Variants in SMYD3 observed in about 807,000 individuals in gnomAD.
SMYD3 encodes histone-lysine N-methyltransferase SMYD3.
Under a neutral mutation model 57.7 loss-of-function variants are expected in SMYD3, and 36 were observed. The observed-to-expected ratio is 0.62, with a 90% CI of 0.48 to 0.82. The LOEUF (loss-of-function observed/expected upper bound fraction) is 0.82, where lower values mean the gene tolerates loss of function less well. SMYD3 is among the 40% of genes least tolerant of loss of function. The pLI, the probability that SMYD3 is intolerant of heterozygous loss-of-function variation, is 0.00. For synonymous variants in SMYD3, 211 were observed against 195.0 expected (o/e 1.08, Z -0.68); for missense variants, 515 against 538.8 (o/e 0.96, Z 0.44).
chr1:246,360,481 A>G (rs1247473042), intron 1 of SMYD3, among the ~76,000 whole-genome samples: 1 of 152,210 alleles, frequency 6.6e-6, no homozygotes, highest in Non-Finnish European at 1.5e-5. Context: ...GAACCAAAAA[A>G]GAGACCACAT....
intron 10 of SMYD3, among the ~76,000 whole-genome samples, chr1:245,783,311 C>T (rs547008264): frequency 6.6e-6 from 1 of 152,206 alleles, no homozygotes; most frequent in Non-Finnish European, 1.5e-5. Flanking sequence ...CAACCAGTTC[C>T]CAATAGATAA....
At chr1:246,000,799 C>T (rs1020392751) in intron 5 of SMYD3, among the ~76,000 whole-genome samples, 10 of 152,214 alleles carry the variant, frequency 6.6e-5, no homozygotes, top group Non-Finnish European at 1.0e-4. Flanking sequence ...CTGTAAGATG[C>T]TGGAAGACAG....
chr1:245,869,315 G>A (rs564490567), intron 8 of SMYD3, among the ~76,000 whole-genome samples: 3 of 152,330 alleles, frequency 2.0e-5, no homozygotes, highest in African/African-American at 7.2e-5. Flanking sequence ...TCGAGAGAAT[G>A]AAGAACCTGC....
At chr1:245,832,980 C>T (rs930314639) in intron 10 of SMYD3, among the ~76,000 whole-genome samples, 1 of 150,914 alleles carries the variant, frequency 6.6e-6, no homozygotes, top group East Asian at 1.9e-4. Flanking sequence ...CCACCTTCTC[C>T]GCACAGTGAA....
intron 5 of SMYD3, among the ~76,000 whole-genome samples, chr1:246,295,315 G>A (rs2064772135): frequency 6.6e-6 from 1 of 152,066 alleles, no homozygotes; most frequent in African/African-American, 2.4e-5. Flanking sequence ...CCCAGAAAAG[G>A]GTCTACAGTT....
At chr1:246,232,811 CT>C (rs372853033) in intron 5 of SMYD3, among the ~76,000 whole-genome samples, 3 of 136,350 alleles carry the variant, frequency 2.2e-5, no homozygotes, top group South Asian at 3.0e-4. Flanking sequence ...AGAAGCGCTC[CT>C]TCAATTCACA....
At chr1:245,823,250 A>G (rs943745658) in intron 10 of SMYD3, among the ~76,000 whole-genome samples, 5 of 152,122 alleles carry the variant, frequency 3.3e-5, no homozygotes, top group East Asian at 3.9e-4. Flanking sequence ...TGCAAAATCC[A>G]TTTCTCCTTC....
chr1:245,818,345 G>A (rs1488461954), intron 10 of SMYD3, among the ~76,000 whole-genome samples: 1 of 151,920 alleles, frequency 6.6e-6, no homozygotes, highest in Non-Finnish European at 1.5e-5. Context: ...AGCAAATGCT[G>A]AGAGATTTTG....
intron 1 of SMYD3, among the ~76,000 whole-genome samples, chr1:246,425,237 A>G (rs2103002060): frequency 6.6e-6 from 1 of 152,198 alleles, no homozygotes; most frequent in Non-Finnish European, 1.5e-5. Flanking sequence ...CTTTTTCAAC[A>G]CACACCAGAA....
intron 5 of SMYD3, among the ~76,000 whole-genome samples, chr1:246,077,506 G>A (rs530681468): frequency 9.3e-5 from 14 of 150,212 alleles, no homozygotes; most frequent in African/African-American, 3.0e-4. Flanking sequence ...GACTACATAT[G>A]ACACATACAT....
chr1:246,054,873 T>TA (rs749022916), intron 5 of SMYD3, among the ~76,000 whole-genome samples: 3,028 of 79,052 alleles, frequency 0.038, 111 homozygotes, highest in African/African-American at 0.085. Context: ...AGGATGACTA[T>TA]AAAAAAAAAA....
At chr1:246,067,101 A>G (rs1178456214) in intron 5 of SMYD3, among the ~76,000 whole-genome samples, 1 of 152,240 alleles carries the variant, frequency 6.6e-6, no homozygotes, top group East Asian at 1.9e-4. Context: ...ATTTGATGAC[A>G]ATCTAGTTTA....
At chr1:245,930,118 T>A in intron 5 of SMYD3, 181 bp from the exon 6 acceptor site, 1 of 617,864 alleles carries the variant, frequency 1.6e-6, no homozygotes, top group Non-Finnish European at 3.0e-6. Context: ...ATACTCCCCC[T>A]AAAAACATCA....
At chr1:245,751,116 G>A (rs2045329117) in intron 11 of SMYD3, among the ~76,000 whole-genome samples, 1 of 152,188 alleles carries the variant, frequency 6.6e-6, no homozygotes, top group Non-Finnish European at 1.5e-5. Context: ...TATAATGAAT[G>A]CCATCATGCT....
At chr1:246,277,376 C>A (rs890113321) in intron 5 of SMYD3, among the ~76,000 whole-genome samples, 1 of 152,092 alleles carries the variant, frequency 6.6e-6, no homozygotes, top group Non-Finnish European at 1.5e-5. Context: ...GGTGAAGGTG[C>A]GGAGCAACTG....
At chr1:246,035,075 C>G (rs1349435532) in intron 5 of SMYD3, 1 of 152,318 alleles carries the variant, frequency 6.6e-6, no homozygotes, top group East Asian at 1.9e-4. Flanking sequence ...CTGACCCTAC[C>G]CTTCCAGGTC....
chr1:245,818,257 A>G (rs1425639722), intron 10 of SMYD3, among the ~76,000 whole-genome samples: 3 of 152,264 alleles, frequency 2.0e-5, no homozygotes, highest in Non-Finnish European at 4.4e-5. Context: ...ATTCTTAAAA[A>G]GAATTTTCAA....
intron 5 of SMYD3, chr1:246,321,941 A>T (rs1389272328): frequency 6.6e-6 from 1 of 152,230 alleles, no homozygotes; most frequent in Non-Finnish European, 1.5e-5. Flanking sequence ...TTTTTTTGTA[A>T]AGATGGCATC....
intron 5 of SMYD3, among the ~76,000 whole-genome samples, chr1:246,298,328 T>C (rs2064832747): frequency 6.6e-6 from 1 of 150,992 alleles, no homozygotes; most frequent in South Asian, 2.2e-4. Context: ...CAAATTGAAA[T>C]AATCTAAATA....
Sources: allele counts gnomAD v4.1 joint callset (sites outside exome capture counted in the v4.1 genomes callset), GRCh38; gene constraint gnomAD v4.1.1; transcripts MANE v1.5; gene names NCBI Gene and HGNC (gene_info 2026-07-23, HGNC 2026-07-21).